NOL4: variants seen among roughly 807,000 people sequenced by gnomAD.
The protein encoded by NOL4 is cancer/testis antigen 125.
In NOL4, 17 loss-of-function variants were observed where a neutral mutation model predicts 75.9. That is an observed-to-expected ratio of 0.22 (90% CI 0.15 to 0.34). The LOEUF (loss-of-function observed/expected upper bound fraction) is 0.34. Among genes scored for constraint, NOL4 ranks in the 10% least tolerant of loss-of-function variants. The pLI, the probability that NOL4 is intolerant of heterozygous loss-of-function variation, is 1.00. For synonymous variants in NOL4, 292 were observed against 289.9 expected, an observed-to-expected ratio of 1.01 and a Z score of -0.07; for missense variants, 614 against 793.5, an observed-to-expected ratio of 0.77 and a Z score of 2.72.
Position 34,019,379 on chromosome 18 carries a change from T to A in NOL4, c.995A>T (p.Tyr332Phe), listed in dbSNP as rs761121162. ...GAGGTCAGAAATTAGAAGATTCTTA[T>A]ACTTGTTTTTCCCATTACTGTTGTG... ...DDHNSNGKNK[Y>F]KNLLISDLKM... The change falls in exon 6 of 11, where the codon TAT becomes TTT. Residue 332 changes from tyrosine to phenylalanine, a missense_variant. Around this residue, in one of 9 missense-constraint regions of NOL4, gnomAD observed 196 missense variants for 167.9 expected, o/e 1.17. Coordinates refer to ENST00000261592, the MANE Select transcript of NOL4 (RefSeq NM_003787.5). 6.2e-7 allele frequency: 1 copy of A among 1,614,042 alleles called. No individual in the cohort carries two copies. The highest frequency in any genetic ancestry group is 1.7e-5 in the Admixed American group (1 of 60,010).
intron 1 of NOL4, among the ~76,000 whole-genome samples, chr18:34,181,187 T>C (rs973280177): frequency 1.3e-5 from 2 of 151,472 alleles, no homozygotes; most frequent in Non-Finnish European, 3.0e-5. Context: ...AAAGATACAA[T>C]AATCAAAGCA....
chr18:34,061,645 A>G (rs951523717), intron 5 of NOL4, among the ~76,000 whole-genome samples: 3 of 152,190 alleles, frequency 2.0e-5, no homozygotes, highest in Non-Finnish European at 4.4e-5. Flanking sequence ...GTTTTCATTA[A>G]TTCCACACTG....
chr18:33,913,023 C>T (rs78485107), intron 9 of NOL4, among the ~76,000 whole-genome samples: 435 of 152,010 alleles, frequency 2.9e-3, no homozygotes, highest in Non-Finnish European at 4.3e-3. Context: ...CTATTTTTTA[C>T]GGGTGCCAAA....
At chr18:34,041,610 C>T (rs1327370234) in intron 5 of NOL4, among the ~76,000 whole-genome samples, 5 of 151,898 alleles carry the variant, frequency 3.3e-5, no homozygotes, top group Admixed American at 2.6e-4. Context: ...TTTAACAAAG[C>T]CCTGGCTTCT....
chr18:34,087,259 A>T (rs1012638430), intron 5 of NOL4, among the ~76,000 whole-genome samples: 4 of 152,122 alleles, frequency 2.6e-5, no homozygotes, highest in African/African-American at 9.6e-5. Flanking sequence ...CTGAATTAGG[A>T]TATAAGAAAA....
At chr18:33,876,894 A>G (rs898447229) in intron 10 of NOL4, among the ~76,000 whole-genome samples, 3 of 151,870 alleles carry the variant, frequency 2.0e-5, no homozygotes, top group African/African-American at 7.3e-5. Flanking sequence ...GTTGATACGT[A>G]ACAAGGGAAA....
At chr18:33,944,574 T>C (rs963949127) in intron 8 of NOL4, among the ~76,000 whole-genome samples, 1 of 151,826 alleles carries the variant, frequency 6.6e-6, no homozygotes, top group Non-Finnish European at 1.5e-5. Context: ...GCTAACCCCA[T>C]GGGACATCTC....
At chr18:34,125,091 G>C (rs1487747773) in intron 2 of NOL4, among the ~76,000 whole-genome samples, 1 of 152,046 alleles carries the variant, frequency 6.6e-6, no homozygotes, top group East Asian at 1.9e-4. Context: ...CAGCTTAATT[G>C]ATTCTCCACC....
intron 6 of NOL4, among the ~76,000 whole-genome samples, chr18:34,013,784 G>A (rs2074521759): frequency 6.6e-6 from 1 of 151,914 alleles, no homozygotes. Context: ...TAGCCAAAAT[G>A]TGAATTCTTA....
chr18:34,071,174 A>C (rs2077498473), intron 5 of NOL4, among the ~76,000 whole-genome samples: 1 of 152,202 alleles, frequency 6.6e-6, no homozygotes, highest in Non-Finnish European at 1.5e-5. Flanking sequence ...ATCATTACAC[A>C]ATGTATACAT....
intron 8 of NOL4, among the ~76,000 whole-genome samples, chr18:33,955,660 C>A (rs1231040531): frequency 6.6e-6 from 1 of 152,006 alleles, no homozygotes; most frequent in Non-Finnish European, 1.5e-5. Flanking sequence ...TAAAAGCATT[C>A]CATTTCCTCA....
intron 2 of NOL4, among the ~76,000 whole-genome samples, chr18:34,110,980 AAG>A (rs941563597): frequency 2.6e-5 from 4 of 152,164 alleles, no homozygotes; most frequent in African/African-American, 9.6e-5. Context: ...AAGACGATAA[AAG>A]AGATATACAA....
intron 5 of NOL4, among the ~76,000 whole-genome samples, chr18:34,042,331 A>G (rs2076175992): frequency 6.6e-6 from 1 of 151,960 alleles, no homozygotes; most frequent in South Asian, 2.1e-4. Flanking sequence ...ACCCCTTTCT[A>G]TCTGCAAGTA....
At chr18:34,192,619 T>C (rs1230036933) in intron 1 of NOL4, among the ~76,000 whole-genome samples, 1 of 152,162 alleles carries the variant, frequency 6.6e-6, no homozygotes, top group Non-Finnish European at 1.5e-5. Flanking sequence ...GAAAGGACAT[T>C]TTCTTCAATA....
chr18:34,158,131 T>A (rs2030773590), intron 1 of NOL4, among the ~76,000 whole-genome samples: 1 of 152,164 alleles, frequency 6.6e-6, no homozygotes, highest in African/African-American at 2.4e-5. Context: ...CTCATGATTA[T>A]CAGTAGCAAA....
At chr18:33,993,620 A>G (rs2073074558) in intron 6 of NOL4, among the ~76,000 whole-genome samples, 1 of 151,822 alleles carries the variant, frequency 6.6e-6, no homozygotes, top group Non-Finnish European at 1.5e-5. Flanking sequence ...GGCAACAGAA[A>G]CTGTATGAGT....
intron 6 of NOL4, among the ~76,000 whole-genome samples, chr18:34,015,971 T>C (rs1330123931): frequency 6.6e-6 from 1 of 152,096 alleles, no homozygotes; most frequent in Non-Finnish European, 1.5e-5. Flanking sequence ...GACGAGATAG[T>C]AAGCCAGGTG....
intron 6 of NOL4, among the ~76,000 whole-genome samples, chr18:33,959,058 G>A (rs754253930): frequency 1.3e-5 from 2 of 152,026 alleles, no homozygotes; most frequent in African/African-American, 2.4e-5. Context: ...TGGGAACCGG[G>A]TTTCTTCCTA....
rs58476743 is a variant in NOL4, at chr18:34,070,324, T to G, written c.772+23141A>C. Among the ~76,000 whole-genome samples the G allele has an allele frequency of 1.6e-3, 244 of 152,336 alleles. 1 individual carries two copies. The highest frequency in any genetic ancestry group is 5.5e-3 in the African/African-American group (230 of 41,586). ...GTGAGCCACCGCGCCCGGCCCGCCT[T>G]GCCTTTTTTACACTATAAAGTTTCA... On this transcript the variant is annotated intron_variant, in intron 5 of 10. Transcript: ENST00000261592.
Sources: allele counts gnomAD v4.1 joint callset (sites outside exome capture counted in the v4.1 genomes callset), GRCh38; gene constraint gnomAD v4.1.1; regional missense constraint gnomAD v4.1.1; transcripts MANE v1.5; gene names NCBI Gene and HGNC (gene_info 2026-07-23, HGNC 2026-07-21).